TRPS1: variants seen among roughly 807,000 people sequenced by gnomAD.
TRPS1 encodes transcriptional repressor GATA binding 1.
In TRPS1, 6 loss-of-function variants were observed where a neutral mutation model predicts 101.2. The ratio of observed to expected loss-of-function variants is 0.06; its 90% confidence interval spans 0.03 to 0.12. TRPS1 has a LOEUF of 0.12. Ranked by LOEUF, TRPS1 falls within the 10% of genes least tolerant of loss-of-function variation. The pLI, the probability that TRPS1 is intolerant of heterozygous loss-of-function variation, is 1.00. For missense variants in TRPS1, 1,363 were observed against 1,567.0 expected, an observed-to-expected ratio of 0.87 and a Z score of 2.20; for synonymous variants, 578 against 589.8, an observed-to-expected ratio of 0.98 and a Z score of 0.29.
chr8:115,631,068 C>A (rs866171885), intron 1 of TRPS1, among the ~76,000 whole-genome samples: 41 of 152,038 alleles, frequency 2.7e-4, no homozygotes, highest in African/African-American at 7.9e-4. Flanking sequence ...TTCGAATCTG[C>A]CTCATAATGC....
chr8:115,472,481 G>GT (rs1021230099), intron 5 of TRPS1, among the ~76,000 whole-genome samples: 2 of 152,324 alleles, frequency 1.3e-5, no homozygotes, highest in South Asian at 4.1e-4. Flanking sequence ...AGGGGCTGCT[G>GT]TGAAGGCCTC....
At chr8:115,416,379 C>A (rs1033312267) in intron 6 of TRPS1, among the ~76,000 whole-genome samples, 2 of 151,298 alleles carry the variant, frequency 1.3e-5, no homozygotes, top group Non-Finnish European at 3.0e-5. Context: ...TTAGGGTAAT[C>A]TTTAAATGGG....
chr8:115,607,741 T>A lies in TRPS1; in HGVS notation c.967-2739A>T, dbSNP rs920878518. ...AGTTTTGGAAAACATAATGACAGTG[T>A]TCTATTCCTTTTTTATTTCAAAAAG... On this transcript the variant is annotated intron_variant, in intron 3 of 6. Transcript: ENST00000395715. Among the ~76,000 whole-genome samples, 17 of 152,132 alleles carry A rather than the reference T, an allele frequency of 1.1e-4. No individual in the cohort carries two copies. In the Middle Eastern group the frequency reaches 0.014, roughly 122 times the overall value.
chr8:115,643,724 C>G (rs1818953549), intron 1 of TRPS1, among the ~76,000 whole-genome samples: 1 of 152,220 alleles, frequency 6.6e-6, no homozygotes, highest in South Asian at 2.1e-4. Flanking sequence ...CATGAATGTT[C>G]TTAATGGTAT....
chr8:115,646,565 G>A (rs1165982614), intron 1 of TRPS1, among the ~76,000 whole-genome samples: 1 of 152,138 alleles, frequency 6.6e-6, no homozygotes, highest in African/African-American at 2.4e-5. Flanking sequence ...TATGACAACT[G>A]AAGTAATAAG....
At chr8:115,521,848 T>A (rs1364635781) in intron 5 of TRPS1, among the ~76,000 whole-genome samples, 1 of 151,972 alleles carries the variant, frequency 6.6e-6, no homozygotes, top group Non-Finnish European at 1.5e-5. Flanking sequence ...GAAAACACTA[T>A]ATATCTTTCC....
chr8:115,516,385 T>G (rs1013811136), intron 5 of TRPS1, among the ~76,000 whole-genome samples: 12 of 151,664 alleles, frequency 7.9e-5, no homozygotes, highest in African/African-American at 2.4e-4. Context: ...GTTAGTAACT[T>G]TTTAACCTGA....
chr8:115,453,309 G>A (rs913657015), intron 5 of TRPS1, among the ~76,000 whole-genome samples: 8 of 152,104 alleles, frequency 5.3e-5, no homozygotes, highest in African/African-American at 1.4e-4. Flanking sequence ...GTGAGCCACC[G>A]CGCCCAGCCC....
chr8:115,655,014 G>C (rs1337218551), intron 1 of TRPS1, among the ~76,000 whole-genome samples: 3 of 152,198 alleles, frequency 2.0e-5, no homozygotes, highest in Non-Finnish European at 4.4e-5. Flanking sequence ...AAATCACCTA[G>C]TGTTTCACAT....
chr8:115,442,099 T>C (rs1156278870), intron 5 of TRPS1, among the ~76,000 whole-genome samples: 2 of 152,228 alleles, frequency 1.3e-5, no homozygotes, highest in Non-Finnish European at 2.9e-5. Context: ...CCTGATACTT[T>C]AGCTTTTCTG....
intron 1 of TRPS1, among the ~76,000 whole-genome samples, chr8:115,625,847 G>C (rs750926721): frequency 1.3e-5 from 2 of 151,756 alleles, no homozygotes; most frequent in African/African-American, 4.8e-5. Context: ...ATCTTGTTGC[G>C]CATAATTTTT....
intron 5 of TRPS1, among the ~76,000 whole-genome samples, chr8:115,532,040 G>A (rs1816145303): frequency 1.3e-5 from 2 of 152,014 alleles, no homozygotes; most frequent in South Asian, 4.1e-4. Context: ...GGAGTCGAAG[G>A]GCTACTGACA....
In TRPS1 at chr8:115,531,602, G is replaced by A. The variant is rs75646898; in HGVS notation, c.2700+55399C>T. ...AGAAGGACGGATGAAAGGGATTAAA[G>A]AAGACAGGTTAGGAAAGAAGGTGGA... On this transcript the variant is annotated intron_variant, in intron 5 of 6. Transcript: ENST00000395715. Among the ~76,000 whole-genome samples the A allele has an allele frequency of 7.1e-3, 1,082 of 152,296 alleles. 17 individuals carry two copies. The highest frequency in any genetic ancestry group is 0.024 in the African/African-American group (1,015 of 41,566).
chr8:115,647,405 A>G (rs897582560), intron 1 of TRPS1, among the ~76,000 whole-genome samples: 3 of 152,188 alleles, frequency 2.0e-5, no homozygotes, highest in Non-Finnish European at 2.9e-5. Context: ...CTACTGTCTT[A>G]AAGTTCATAA....
intron 5 of TRPS1, among the ~76,000 whole-genome samples, chr8:115,462,623 TTCTCTCTC>T (rs375709611): frequency 7.5e-6 from 1 of 132,668 alleles, no homozygotes; most frequent in Non-Finnish European, 1.6e-5. Context: ...TGTTTTTCTT[TTCTCTCTC>T]TCTCTCTCTC....
intron 1 of TRPS1, among the ~76,000 whole-genome samples, chr8:115,647,094 A>G (rs961678033): frequency 2.6e-5 from 4 of 152,182 alleles, no homozygotes; most frequent in Non-Finnish European, 4.4e-5. Flanking sequence ...ATCCAGTCAT[A>G]TATCAACTAT....
chr8:115,622,397 G>A lies in TRPS1; in HGVS notation c.37+1204C>T, dbSNP rs192589048. Among the ~76,000 whole-genome samples the A allele has an allele frequency of 2.6e-5, 4 of 152,134 alleles. No homozygotes were observed. The East Asian group carries it at 7.7e-4, about 29-fold the overall frequency. ...AAACAGGGAAAGAAAGACTAAATGAGCAAACTGAAAAAATTAGTTATCATT... is the reference window on the plus strand; with the variant it reads ...AAACAGGGAAAGAAAGACTAAATGAACAAACTGAAAAAATTAGTTATCATT... On this transcript the variant is annotated intron_variant, in intron 2 of 6. Coordinates refer to ENST00000395715, the MANE Select transcript of TRPS1 (RefSeq NM_014112.5).
chr8:115,530,077 T>A (rs914472068), intron 5 of TRPS1, among the ~76,000 whole-genome samples: 22 of 152,114 alleles, frequency 1.4e-4, no homozygotes, highest in African/African-American at 2.9e-4. Flanking sequence ...ATAATTTTTT[T>A]AAAAAAGTTC....
At chr8:115,585,990 A>T (rs772752990) in intron 5 of TRPS1, among the ~76,000 whole-genome samples, 4 of 152,214 alleles carry the variant, frequency 2.6e-5, no homozygotes, top group Non-Finnish European at 5.9e-5. Context: ...AGACATTGGG[A>T]AGAGCAATTT....
Sources: gnomAD v4.1 joint callset for allele counts (sites outside exome capture counted in the v4.1 genomes callset) on GRCh38, gnomAD v4.1.1 for gene constraint, MANE v1.5 for transcripts, NCBI Gene and HGNC (gene_info 2026-07-23, HGNC 2026-07-21) for gene names.